OSBPL10: variants seen among roughly 807,000 people sequenced by gnomAD.
The protein encoded by OSBPL10 is oxysterol binding protein like 10.
Under a neutral mutation model 81.7 loss-of-function variants are expected in OSBPL10, and 49 were observed. That is an observed-to-expected ratio of 0.60 (90% CI 0.48 to 0.76). The LOEUF is 0.76. Ranked by LOEUF, OSBPL10 falls within the 30% of genes least tolerant of loss-of-function variation. The probability of loss-of-function intolerance (pLI) is 0.00; values close to 1 mark genes in which losing one functional copy is unlikely to be tolerated. For synonymous variants in OSBPL10, 419 were observed against 383.6 expected, an observed-to-expected ratio of 1.09 and a Z score of -1.08; for missense variants, 923 against 987.8, an observed-to-expected ratio of 0.93 and a Z score of 0.88.
At chr3:31,889,155 T>C (rs1559506526) in intron 1 of OSBPL10, among the ~76,000 whole-genome samples, 1 of 152,026 alleles carries the variant, frequency 6.6e-6, no homozygotes, top group Non-Finnish European at 1.5e-5. Context: ...AAATAACAAA[T>C]GCTGGTGAAG....
chr3:31,986,882 C>T lies in OSBPL10; in HGVS notation n.298+59609G>A, dbSNP rs1232217640. On this transcript the variant is annotated intron_variant and non_coding_transcript_variant, in intron 2 of 3. Coordinates refer to the OSBPL10 transcript ENST00000479173. ...AAGCCAGCCACAGTGGCACATGTAC[C>T]TGTAGTCCCAGCTACTCAGGAGGCT... is the stretch of plus-strand genomic sequence containing the variant. Among the ~76,000 whole-genome samples the T allele has an allele frequency of 4.6e-5, 7 of 152,150 alleles. No homozygotes were observed. The Middle Eastern group carries it at 0.017, about 370-fold the overall frequency.
At chr3:31,879,280 A>G (rs1701559975) in intron 2 of OSBPL10, 1 of 160,754 alleles carries the variant, frequency 6.2e-6, no homozygotes, top group Admixed American at 6.3e-5. Context: ...GGAAAACACT[A>G]GGACCCTTAA....
At chr3:32,068,956 C>T (rs907369140) in intron 1 of OSBPL10, among the ~76,000 whole-genome samples, 3 of 152,082 alleles carry the variant, frequency 2.0e-5, no homozygotes, top group African/African-American at 7.2e-5. Context: ...CCCTGCTCCC[C>T]TACCCTATAA....
At chr3:31,931,114 A>C (rs933165002) in intron 1 of OSBPL10, among the ~76,000 whole-genome samples, 2 of 151,996 alleles carry the variant, frequency 1.3e-5, no homozygotes, top group African/African-American at 4.8e-5. Context: ...TATAGAAGAA[A>C]CCAATAACAC....
intron 1 of OSBPL10, among the ~76,000 whole-genome samples, chr3:31,937,824 T>C (rs1575046752): frequency 6.6e-6 from 1 of 152,280 alleles, no homozygotes; most frequent in African/African-American, 2.4e-5. Flanking sequence ...GGGTAAAATT[T>C]ACCTCCATGT....
chr3:32,056,413 A>C (rs1699712869), intron 1 of OSBPL10, among the ~76,000 whole-genome samples: 1 of 152,238 alleles, frequency 6.6e-6, no homozygotes, highest in African/African-American at 2.4e-5. Flanking sequence ...CTTCTTATTT[A>C]GTTTACTTGG....
At chr3:31,965,598 T>C (rs1279919772) in intron 1 of OSBPL10, among the ~76,000 whole-genome samples, 2 of 64,460 alleles carry the variant, frequency 3.1e-5, no homozygotes, top group African/African-American at 5.8e-5. Flanking sequence ...AATTATATAT[T>C]ATATAATATA....
intron 4 of OSBPL10, among the ~76,000 whole-genome samples, chr3:31,811,434 G>A (rs1699678735): frequency 6.6e-6 from 1 of 152,230 alleles, no homozygotes; most frequent in African/African-American, 2.4e-5. Context: ...AGGCCTGCAG[G>A]TAAAGCCTTT....
intron 1 of OSBPL10, among the ~76,000 whole-genome samples, chr3:31,895,503 G>C (rs931576430): frequency 7.9e-5 from 12 of 152,024 alleles, no homozygotes; most frequent in African/African-American, 2.7e-4. Context: ...AATCTCTGGG[G>C]ATGAAACTCA....
intron 1 of OSBPL10, among the ~76,000 whole-genome samples, chr3:32,076,136 G>A (rs1195557963): frequency 2.6e-5 from 4 of 152,152 alleles, no homozygotes; most frequent in South Asian, 2.1e-4. Context: ...TTGGGAGACC[G>A]AGGTGGGTGG....
intron 5 of OSBPL10, among the ~76,000 whole-genome samples, chr3:31,737,131 T>C (rs750819421): frequency 1.3e-4 from 20 of 152,146 alleles, no homozygotes; most frequent in Non-Finnish European, 2.8e-4. Context: ...TGGCAATGCA[T>C]GCTGGGGAAC....
chr3:31,745,278 G>C (rs1027369002), intron 5 of OSBPL10, among the ~76,000 whole-genome samples: 5 of 152,186 alleles, frequency 3.3e-5, no homozygotes, highest in African/African-American at 4.8e-5. Flanking sequence ...TTAGAGGAGA[G>C]TGTCCTTTTT....
rs76026207 is a variant in OSBPL10 at position 31,801,250 on chromosome 3, T to C, written c.729+28790A>G. On this transcript the variant is annotated intron_variant, in intron 4 of 11. Coordinates refer to ENST00000396556, the MANE Select transcript of OSBPL10 (RefSeq NM_017784.5). ...GAACTGCATGGACATCTCCATGATATGGTGACATACTATTGTGGTCCCCAA... is the reference window on the plus strand; with the variant it reads ...GAACTGCATGGACATCTCCATGATACGGTGACATACTATTGTGGTCCCCAA... Among the ~76,000 whole-genome samples, 1,262 of 152,298 alleles carry C rather than the reference T, an allele frequency of 8.3e-3. 20 individuals carry two copies. The highest frequency in any genetic ancestry group is 0.027 in the African/African-American group (1,131 of 41,552).
intron 2 of OSBPL10, among the ~76,000 whole-genome samples, chr3:31,997,205 ATGTC>A (rs1285712762): frequency 1.3e-5 from 2 of 152,090 alleles, no homozygotes; most frequent in Non-Finnish European, 2.9e-5. Flanking sequence ...GACTATTACA[ATGTC>A]AATAGGCAGT....
chr3:31,898,076 A>G (rs968161754), intron 1 of OSBPL10, among the ~76,000 whole-genome samples: 1 of 151,348 alleles, frequency 6.6e-6, no homozygotes, highest in South Asian at 2.1e-4. Context: ...TTCAAAATGT[A>G]AAGGAAAAAA....
chr3:32,040,315 G>A (rs1699562148), intron 2 of OSBPL10, among the ~76,000 whole-genome samples: 1 of 152,160 alleles, frequency 6.6e-6, no homozygotes, highest in Non-Finnish European at 1.5e-5. Flanking sequence ...GCTGAGACAG[G>A]AGAATGGCTT....
At chr3:32,029,231 C>T (rs1347456310) in intron 2 of OSBPL10, among the ~76,000 whole-genome samples, 1 of 152,172 alleles carries the variant, frequency 6.6e-6, no homozygotes, top group Non-Finnish European at 1.5e-5. Flanking sequence ...AAACCACACA[C>T]TTGCCTTTCA....
chr3:31,980,987 G>C lies in OSBPL10; in HGVS notation c.193C>G (p.Pro65Ala), dbSNP rs1015712366. The C allele has an allele frequency of 6.5e-7, 1 of 1,543,518 alleles. No homozygotes were observed. The highest frequency in any genetic ancestry group is 2.1e-5 in the Admixed American group (1 of 48,554). Residue 65 changes from proline to alanine, a missense_variant, in exon 1 of 12, where the codon CCG (proline) becomes GCG (alanine). Coordinates refer to ENST00000396556, the MANE Select transcript of OSBPL10 (RefSeq NM_017784.5). ...RSSPGSVAAS[P>A]SGGGGRRREP... ...CTCCTGCGGCCGCCTCCCCCGGACG[G>C]GCTAGCGGCCACAGAGCCCGGGCTG... is the stretch of plus-strand genomic sequence containing the variant.
chr3:31,965,124 C>T (rs961449249), intron 1 of OSBPL10, among the ~76,000 whole-genome samples: 7 of 151,848 alleles, frequency 4.6e-5, no homozygotes, highest in Non-Finnish European at 8.8e-5. Flanking sequence ...CCGGGGCGCA[C>T]TTTGGGAGGC....
Sources: gnomAD v4.1 joint callset for allele counts (sites outside exome capture counted in the v4.1 genomes callset) on GRCh38, gnomAD v4.1.1 for gene constraint, MANE v1.5 for transcripts, NCBI Gene and HGNC (gene_info 2026-07-23, HGNC 2026-07-21) for gene names.